DENND1B: variants seen among roughly 807,000 people sequenced by gnomAD.
The protein encoded by DENND1B is DENN domain containing 1B, also known as DENN domain-containing protein 1B.
DENND1B carries 59 observed loss-of-function variants against 90.1 expected under a neutral mutation model. The observed-to-expected ratio is 0.65, with a 90% CI of 0.53 to 0.81. DENND1B has a LOEUF of 0.81. Among genes scored for constraint, DENND1B ranks in the 40% least tolerant of loss-of-function variants. DENND1B has a pLI of 0.00. For synonymous variants in DENND1B, 337 were observed against 324.6 expected, an observed-to-expected ratio of 1.04 and a Z score of -0.41; for missense variants, 862 against 912.6, an observed-to-expected ratio of 0.94 and a Z score of 0.71.
chr1:197,740,411 C>T (rs1463507941), intron 2 of DENND1B, among the ~76,000 whole-genome samples: 1 of 151,938 alleles, frequency 6.6e-6, no homozygotes, highest in Admixed American at 6.6e-5. Flanking sequence ...TTTGAAAAGG[C>T]AGAGGGATGA....
Position 197,507,264 on chromosome 1 carries a change from C to G in DENND1B, c.*3196G>C, listed in dbSNP as rs1341710299. On this transcript the variant is annotated 3_prime_UTR_variant, in exon 23 of 23. Transcript: ENST00000620048. ...GGGACTATGTCAGTTATTTTATTTCCCATATCCTCAGTTACTGTACCCTGC... is the reference window on the plus strand; with the variant it reads ...GGGACTATGTCAGTTATTTTATTTCGCATATCCTCAGTTACTGTACCCTGC... 1 of 149,880 alleles carries G rather than the reference C, an allele frequency of 6.7e-6. No homozygotes were observed. Among genetic ancestry groups the G allele is most frequent in the Non-Finnish European group, 1.5e-5 (1 of 67,182 alleles). The allele number at this position is 149,880 out of a possible 1,614,324, so 9.3% of individuals were successfully genotyped here.
chr1:197,568,267 T>A (rs1359315290), intron 15 of DENND1B, among the ~76,000 whole-genome samples: 6 of 152,018 alleles, frequency 3.9e-5, no homozygotes, highest in Admixed American at 3.9e-4. Flanking sequence ...CATAAAAAAA[T>A]ACTTGGGAAT....
intron 2 of DENND1B, among the ~76,000 whole-genome samples, chr1:197,739,657 G>C (rs1240009627): frequency 1.3e-5 from 2 of 152,080 alleles, no homozygotes; most frequent in African/African-American, 2.4e-5. Context: ...TTAGTTAAAA[G>C]CATGAAAAGA....
At chr1:197,605,126 T>C (rs1676555009) in intron 13 of DENND1B, among the ~76,000 whole-genome samples, 1 of 150,984 alleles carries the variant, frequency 6.6e-6, no homozygotes. Context: ...ATAATTTTTA[T>C]CTATATTTTT....
chr1:197,740,302 GA>G (rs558367899), intron 2 of DENND1B, among the ~76,000 whole-genome samples: 13 of 152,182 alleles, frequency 8.5e-5, no homozygotes, highest in Non-Finnish European at 1.8e-4. Flanking sequence ...GAGCAAGGGA[GA>G]AAAGTGGGAA....
chr1:197,558,094 C>T (rs1288319286), intron 15 of DENND1B, among the ~76,000 whole-genome samples: 4 of 151,428 alleles, frequency 2.6e-5, no homozygotes, highest in Non-Finnish European at 4.4e-5. Context: ...AAAGTGACAT[C>T]GATATAACAT....
chr1:197,568,013 G>A (rs1182378489), intron 15 of DENND1B, among the ~76,000 whole-genome samples: 1 of 150,866 alleles, frequency 6.6e-6, no homozygotes, highest in Non-Finnish European at 1.5e-5. Context: ...AGGGAAGGAA[G>A]GAAGGAAGGA....
At chr1:197,591,946 T>C (rs1401318271) in intron 14 of DENND1B, among the ~76,000 whole-genome samples, 1 of 151,620 alleles carries the variant, frequency 6.6e-6, no homozygotes, top group Non-Finnish European at 1.5e-5. Context: ...CCGTCTCTAC[T>C]AAAAATACAA....
At chr1:197,669,049 T>C (rs976636386) in intron 5 of DENND1B, among the ~76,000 whole-genome samples, 9 of 152,254 alleles carry the variant, frequency 5.9e-5, no homozygotes, top group African/African-American at 2.2e-4. Context: ...TATTTTTCTA[T>C]CAGATTATTT....
At chr1:197,772,971 T>C (rs1297616328) in intron 1 of DENND1B, 39 bp from the exon 2 acceptor site, 2 of 1,464,044 alleles carry the variant, frequency 1.4e-6, no homozygotes, top group South Asian at 1.2e-5. Flanking sequence ...CTATGACAAA[T>C]AAACATCTCC....
At chr1:197,702,257 C>G (rs1219671115) in intron 3 of DENND1B, among the ~76,000 whole-genome samples, 1 of 152,092 alleles carries the variant, frequency 6.6e-6, no homozygotes. Context: ...TTAGAAAACT[C>G]AAGTTTTATA....
chr1:197,571,427 T>C (rs963663272), intron 15 of DENND1B, among the ~76,000 whole-genome samples: 2 of 152,204 alleles, frequency 1.3e-5, no homozygotes, highest in Admixed American at 1.3e-4. Context: ...GTTCTTTCCC[T>C]CCTTTAGGTC....
chr1:197,581,689 C>CA lies in DENND1B; in HGVS notation c.1149+1462dup, dbSNP rs529794494. On this transcript the variant is annotated intron_variant, in intron 15 of 22. Transcript: ENST00000620048. ...AAAAGTAAACTCTTCTGTAACTATG[C>CA]AAAAAAATTACTGTTTTATTAACTT... is the stretch of plus-strand genomic sequence containing the variant. Among the ~76,000 whole-genome samples, 6 of 152,074 alleles carry CA rather than the reference C, an allele frequency of 3.9e-5. No homozygotes were observed. In the East Asian group the frequency reaches 9.7e-4, roughly 24 times the overall value.
rs1571529565 is a variant in DENND1B, at chr1:197,729,808, T to C, written c.83-14734A>G. On this transcript the variant is annotated intron_variant, in intron 2 of 22. Coordinates refer to ENST00000620048, the MANE Select transcript of DENND1B (RefSeq NM_001195215.2). Reference sequence around the variant, plus strand: ...TTTTGTTTAGGTGAGTTATAGTAAATGACATTTATGTATTAAAAATCAAAA... The same window carrying C: ...TTTTGTTTAGGTGAGTTATAGTAAACGACATTTATGTATTAAAAATCAAAA... 2.6e-5 allele frequency among the ~76,000 whole-genome samples: 4 copies of C among 152,248 alleles called. No individual in the cohort carries two copies. The South Asian group carries it at 8.3e-4, about 32-fold the overall frequency.
At chr1:197,694,839 T>G (rs1658267580) in intron 3 of DENND1B, among the ~76,000 whole-genome samples, 1 of 151,244 alleles carries the variant, frequency 6.6e-6, no homozygotes, top group South Asian at 2.1e-4. Flanking sequence ...CTCTAAGAAC[T>G]CATTAAAGTA....
At chr1:197,675,548 C>T (rs1655973091) in intron 3 of DENND1B, among the ~76,000 whole-genome samples, 1 of 152,076 alleles carries the variant, frequency 6.6e-6, no homozygotes, top group South Asian at 2.1e-4. Context: ...CGAAAGCTAA[C>T]TGTTTCACCA....
At chr1:197,629,228 A>G (rs1025866930) in intron 10 of DENND1B, among the ~76,000 whole-genome samples, 109 of 151,482 alleles carry the variant, frequency 7.2e-4, no homozygotes, top group Admixed American at 2.0e-3. Context: ...ACATGCACAC[A>G]TATGTTTATT....
Position 197,762,245 on chromosome 1 carries a change from G to A in DENND1B, c.82+10623C>T, listed in dbSNP as rs867929084. ...GATAGACTATAACTTCCACGAGACA[G>A]ACACCAAAAGGCTTATTAGTCAGCA... On this transcript the variant is annotated intron_variant, in intron 2 of 22. Transcript: ENST00000620048. 1.1e-4 allele frequency among the ~76,000 whole-genome samples: 16 copies of A among 151,878 alleles called. No homozygotes were observed. In the Middle Eastern group the frequency reaches 0.01, roughly 97 times the overall value.
chr1:197,507,826 T>A lies in DENND1B; in HGVS notation c.*2634A>T. ...GAAGTCTAAGTTTAAGAGCAGACTT[T>A]GAATATTCAAAATTTTACTGGTTTG... On this transcript the variant is annotated 3_prime_UTR_variant, in exon 23 of 23. Coordinates refer to ENST00000620048, the MANE Select transcript of DENND1B (RefSeq NM_001195215.2). 1 of 151,744 alleles carries A rather than the reference T, an allele frequency of 6.6e-6. No individual in the cohort carries two copies. The highest frequency in any genetic ancestry group is 2.0e-4 in the East Asian group (1 of 5,098). The allele number at this position is 151,744 out of a possible 1,614,324, so 9.4% of individuals were successfully genotyped here.
Sources: allele counts gnomAD v4.1 joint callset (sites outside exome capture counted in the v4.1 genomes callset), GRCh38; gene constraint gnomAD v4.1.1; transcripts MANE v1.5; gene names NCBI Gene and HGNC (gene_info 2026-07-23, HGNC 2026-07-21).